The following SOBP variants were observed in gnomAD, a reference collection of about 807,000 sequenced individuals.
The protein encoded by SOBP is sine oculis binding protein homolog.
SOBP carries 4 observed loss-of-function variants against 53.6 expected under a neutral mutation model. The ratio of observed to expected loss-of-function variants is 0.07; its 90% confidence interval spans 0.04 to 0.17. The LOEUF (loss-of-function observed/expected upper bound fraction) is 0.17. Ranked by LOEUF, SOBP falls within the 10% of genes least tolerant of loss-of-function variation. SOBP has a pLI of 1.00. For synonymous variants in SOBP, 584 were observed against 522.6 expected, an observed-to-expected ratio of 1.12 and a Z score of -1.60; for missense variants, 1,088 against 1,204.7, an observed-to-expected ratio of 0.90 and a Z score of 1.43.
chr6:107,539,770 AC>A (rs1784101540), intron 4 of SOBP, among the ~76,000 whole-genome samples: 1 of 152,194 alleles, frequency 6.6e-6, no homozygotes, highest in African/African-American at 2.4e-5. Context: ...CCAGTCACTT[AC>A]ATTTCCAACT....
chr6:107,583,897 T>A (rs1006077875), intron 4 of SOBP, among the ~76,000 whole-genome samples: 3 of 152,202 alleles, frequency 2.0e-5, no homozygotes, highest in African/African-American at 7.2e-5. Context: ...ATCTGAAAAT[T>A]CAAAACATGA....
chr6:107,492,440 C>T (rs1182615133), intron 1 of SOBP, among the ~76,000 whole-genome samples: 5 of 152,158 alleles, frequency 3.3e-5, no homozygotes, highest in Non-Finnish European at 1.5e-5. Context: ...TCTAGAATTA[C>T]AAATTAGCTA....
chr6:107,616,112 C>T (rs1293645863), intron 5 of SOBP, among the ~76,000 whole-genome samples: 3 of 148,014 alleles, frequency 2.0e-5, no homozygotes, highest in Non-Finnish European at 3.0e-5. Flanking sequence ...GCGGCTTCAG[C>T]CATTGTGGAG....
intron 4 of SOBP, among the ~76,000 whole-genome samples, chr6:107,581,439 C>A (rs978535189): frequency 1.3e-5 from 2 of 152,138 alleles, no homozygotes; most frequent in African/African-American, 4.8e-5. Context: ...TGCAGTAACT[C>A]CAGGGGAGGC....
At chr6:107,589,416 C>A (rs1244950417) in intron 5 of SOBP, among the ~76,000 whole-genome samples, 1 of 152,170 alleles carries the variant, frequency 6.6e-6, no homozygotes, top group African/African-American at 2.4e-5. Context: ...TCCCCACCCC[C>A]ACATGCCTGC....
chr6:107,569,218 A>C (rs1224749965), intron 4 of SOBP, among the ~76,000 whole-genome samples: 1 of 152,220 alleles, frequency 6.6e-6, no homozygotes, highest in Admixed American at 6.5e-5. Flanking sequence ...CTCTAAGGGC[A>C]GTGGCATCCC....
intron 4 of SOBP, among the ~76,000 whole-genome samples, chr6:107,560,078 A>G (rs1400788315): frequency 1.3e-5 from 2 of 152,166 alleles, no homozygotes; most frequent in Admixed American, 6.5e-5. Flanking sequence ...TCACAGTTAA[A>G]ATAATGGTAC....
rs922258412 is a variant in SOBP at position 107,548,483 on chromosome 6, G to C, written c.573+14873G>C. Among the ~76,000 whole-genome samples the C allele has an allele frequency of 7.2e-5, 11 of 151,994 alleles. No homozygotes were observed. The East Asian group carries it at 7.7e-4, about 11-fold the overall frequency. On this transcript the variant is annotated intron_variant, in intron 4 of 6. Transcript: ENST00000317357. ...GGTCTCCATCTCCTGACCTCGTGAT[G>C]CGCCCGCCTTGGCCTCCCAAAGTGC...
chr6:107,517,482 G>C (rs1783355074), intron 3 of SOBP, among the ~76,000 whole-genome samples: 1 of 152,038 alleles, frequency 6.6e-6, no homozygotes, highest in Non-Finnish European at 1.5e-5. Context: ...CTGGACAAAG[G>C]CCCCATCCTC....
chr6:107,549,210 G>T (rs1314785621), intron 4 of SOBP, among the ~76,000 whole-genome samples: 1 of 151,850 alleles, frequency 6.6e-6, no homozygotes, highest in Non-Finnish European at 1.5e-5. Flanking sequence ...GAGCTTGCAG[G>T]GAGCCAAGAT....
chr6:107,542,797 G>T (rs1303153913), intron 4 of SOBP, among the ~76,000 whole-genome samples: 1 of 151,756 alleles, frequency 6.6e-6, no homozygotes, highest in Non-Finnish European at 1.5e-5. Flanking sequence ...TGGGAGGAAA[G>T]GCACCAGGGA....
intron 6 of SOBP, among the ~76,000 whole-genome samples, chr6:107,655,043 A>G (rs1771974178): frequency 6.6e-6 from 1 of 151,852 alleles, no homozygotes; most frequent in Non-Finnish European, 1.5e-5. Context: ...AGTCAGAGGC[A>G]TTTGTACTGT....
chr6:107,493,867 A>G (rs774387610), intron 1 of SOBP, among the ~76,000 whole-genome samples: 1 of 152,208 alleles, frequency 6.6e-6, no homozygotes, highest in Non-Finnish European at 1.5e-5. Flanking sequence ...AGCTAATGCT[A>G]GTTGCTGTTT....
rs767563403 is a variant in SOBP at position 107,634,680 on chromosome 6, C to T, written c.1836C>T (p.Pro612=). The part of the protein sequence containing the change: ...SGQALSLAPT[P]AEHGRSEVVD... Reference sequence around the variant, plus strand: ...AGGCCCTGAGCCTGGCGCCCACGCCCGCCGAGCATGGCCGGAGCGAGGTGG... The same window carrying T: ...AGGCCCTGAGCCTGGCGCCCACGCCTGCCGAGCATGGCCGGAGCGAGGTGG... The change falls in exon 6 of 7, where the codon CCC becomes CCT. Residue 612 remains proline, a synonymous_variant. Transcript: ENST00000317357. The surrounding 1 kb of genome is among the most constrained non-coding windows in gnomAD (Gnocchi z 4.5). The T allele has an allele frequency of 3.9e-5, 60 of 1,531,484 alleles. No individual in the cohort carries two copies. In the East Asian group the frequency reaches 1.1e-3, roughly 28 times the overall value. 94.9% of individuals were successfully genotyped at this position (1,531,484 alleles called of 1,614,324 possible).
At chr6:107,598,438 G>A (rs190746589) in intron 5 of SOBP, among the ~76,000 whole-genome samples, 1 of 152,312 alleles carries the variant, frequency 6.6e-6, no homozygotes, top group East Asian at 1.9e-4. Context: ...AAGAGAAGAT[G>A]TGGAATGATG....
At chr6:107,613,480 C>T (rs913042864) in intron 5 of SOBP, among the ~76,000 whole-genome samples, 5 of 152,122 alleles carry the variant, frequency 3.3e-5, no homozygotes, top group African/African-American at 1.2e-4. Context: ...TCCATGATTA[C>T]CTTGATATTA....
intron 4 of SOBP, among the ~76,000 whole-genome samples, chr6:107,577,060 T>C (rs1785246516): frequency 6.6e-6 from 1 of 152,222 alleles, no homozygotes; most frequent in African/African-American, 2.4e-5. Context: ...CCCTGTGAGT[T>C]ATTTCTTCCA....
intron 4 of SOBP, among the ~76,000 whole-genome samples, chr6:107,568,469 T>C (rs1460360546): frequency 6.6e-6 from 1 of 152,186 alleles, no homozygotes; most frequent in Non-Finnish European, 1.5e-5. Context: ...CTCCAAACTT[T>C]TGTGAGAGTA....
rs147541797 is a variant in SOBP at position 107,540,747 on chromosome 6, A to C, written c.573+7137A>C. On this transcript the variant is annotated intron_variant, in intron 4 of 6. Coordinates refer to ENST00000317357, the MANE Select transcript of SOBP (RefSeq NM_018013.4). ...AATCGATGGCTGGGGATGGAAGTCC[A>C]TGTCCAGCAGTCACAACCTCCCAGA... 2.6e-5 allele frequency among the ~76,000 whole-genome samples: 4 copies of C among 152,180 alleles called. No individual in the cohort carries two copies. In the South Asian group the frequency reaches 8.3e-4, roughly 32 times the overall value.
Sources: allele counts gnomAD v4.1 joint callset (sites outside exome capture counted in the v4.1 genomes callset), GRCh38; gene constraint gnomAD v4.1.1; non-coding constraint Gnocchi (gnomAD v3.1); transcripts MANE v1.5; gene names NCBI Gene and HGNC (gene_info 2026-07-23, HGNC 2026-07-21).